Variants in CUX2 observed in about 807,000 individuals in gnomAD.
The protein encoded by CUX2 is homeobox protein cut-like 2.
Under a neutral mutation model 144.8 loss-of-function variants are expected in CUX2, and 40 were observed. The observed-to-expected ratio is 0.28, with a 90% CI of 0.21 to 0.36. The LOEUF is 0.36. Ranked by LOEUF, CUX2 falls within the 10% of genes least tolerant of loss-of-function variation. CUX2 has a pLI of 1.00. For missense variants in CUX2, 1,615 were observed against 1,994.0 expected (o/e 0.81, Z 3.62); for synonymous variants, 827 against 875.6 (o/e 0.94, Z 0.98).
At chr12:111,210,376 T>C (rs1032115858) in intron 1 of CUX2, among the ~76,000 whole-genome samples, 1 of 152,114 alleles carries the variant, frequency 6.6e-6, no homozygotes, top group African/African-American at 2.4e-5. Flanking sequence ...CATTTGGCAA[T>C]ACTCTACCGG....
Position 111,247,561 on chromosome 12 carries a change from G to A in CUX2, c.223-16200G>A, listed in dbSNP as rs377189923. On this transcript the variant is annotated intron_variant, in intron 3 of 21. Coordinates refer to ENST00000261726, the MANE Select transcript of CUX2 (RefSeq NM_015267.4). ...CAGGGCTGAGAGAGCACAGGGTGGC[G>A]AGAGTTCATGGGCCAGGTCAGGATC... is the stretch of plus-strand genomic sequence containing the variant. Among the ~76,000 whole-genome samples, 14 of 152,328 alleles carry A rather than the reference G, an allele frequency of 9.2e-5. No individual in the cohort carries two copies. In the East Asian group the frequency reaches 9.7e-4, roughly 11 times the overall value.
chr12:111,037,518 G>C lies in CUX2; in HGVS notation c.63+3278G>C, dbSNP rs1295338326. Among the ~76,000 whole-genome samples, 1 of 152,214 alleles carries C rather than the reference G, an allele frequency of 6.6e-6. No individual in the cohort carries two copies. The highest frequency in any genetic ancestry group is 2.4e-5 in the African/African-American group (1 of 41,444). On this transcript the variant is annotated intron_variant, in intron 1 of 21. Transcript: ENST00000261726. The surrounding 1 kb of genome is among the most constrained non-coding windows in gnomAD (Gnocchi z 5.4). The stretch of plus-strand genomic sequence containing the variant: ...ATGACTTTGGGCCGATGGTAAAGGT[G>C]ATCTGACATGTGCCACCCTACTCCG...
chr12:111,091,628 G>A (rs989255136), intron 1 of CUX2, among the ~76,000 whole-genome samples: 6 of 152,206 alleles, frequency 3.9e-5, no homozygotes, highest in African/African-American at 1.4e-4. Context: ...GAGGACACTT[G>A]TAACAAATTA....
chr12:111,078,333 G>C (rs898111142), intron 1 of CUX2, among the ~76,000 whole-genome samples: 1 of 152,186 alleles, frequency 6.6e-6, no homozygotes, highest in African/African-American at 2.4e-5. Flanking sequence ...GGAGGAAGCA[G>C]AGAGGAAGTT....
At chr12:111,254,110 G>C (rs1427011839) in intron 3 of CUX2, among the ~76,000 whole-genome samples, 1 of 152,004 alleles carries the variant, frequency 6.6e-6, no homozygotes, top group African/African-American at 2.4e-5. Flanking sequence ...TGTTTGGATA[G>C]AAGCTAGCAT....
intron 1 of CUX2, among the ~76,000 whole-genome samples, chr12:111,213,827 G>A (rs930296657): frequency 6.6e-6 from 1 of 151,570 alleles, no homozygotes; most frequent in Non-Finnish European, 1.5e-5. Flanking sequence ...TTTTGACATG[G>A]TCTGGAGATG....
chr12:111,135,494 A>G (rs766370665), intron 1 of CUX2, among the ~76,000 whole-genome samples: 1 of 152,246 alleles, frequency 6.6e-6, no homozygotes, highest in Non-Finnish European at 1.5e-5. Context: ...ATACCCAAAA[A>G]AATTGAAAAC....
chr12:111,132,030 C>A (rs1255905477), intron 1 of CUX2, among the ~76,000 whole-genome samples: 1 of 152,222 alleles, frequency 6.6e-6, no homozygotes, highest in African/African-American at 2.4e-5. Flanking sequence ...TTTTGTACTG[C>A]CCTAGCAAAC....
rs953644521 is a variant in CUX2, at chr12:111,071,679, C to T, written c.63+37439C>T. Among the ~76,000 whole-genome samples the T allele has an allele frequency of 7.9e-5, 12 of 151,906 alleles. 1 individual carries two copies. Among genetic ancestry groups the T allele is most frequent in the African/African-American group, 2.9e-4 (12 of 41,182 alleles). ...TTGTATCTAAAAAGTCAACACCAAA[C>T]CCAAGGTCATCCAGATTTTCCTATG... is the stretch of plus-strand genomic sequence containing the variant. On this transcript the variant is annotated intron_variant, in intron 1 of 21. Coordinates refer to ENST00000261726, the MANE Select transcript of CUX2 (RefSeq NM_015267.4).
chr12:111,266,962 C>A (rs1440683584), intron 4 of CUX2, among the ~76,000 whole-genome samples: 4 of 152,048 alleles, frequency 2.6e-5, no homozygotes, highest in Non-Finnish European at 5.9e-5. Flanking sequence ...TTGGGAGGCC[C>A]AGGTGGGAGG....
chr12:111,085,507 A>T (rs762780551), intron 1 of CUX2, among the ~76,000 whole-genome samples: 23 of 152,144 alleles, frequency 1.5e-4, no homozygotes, highest in Non-Finnish European at 3.1e-4. Context: ...GAAGGGGAGA[A>T]TGGAAGGAGA....
chr12:111,272,866 A>C (rs1368460690), intron 4 of CUX2, among the ~76,000 whole-genome samples: 2 of 152,180 alleles, frequency 1.3e-5, no homozygotes, highest in Admixed American at 6.5e-5. Flanking sequence ...CCCCTGGCTA[A>C]ACTTTGCTCC....
Position 111,307,811 on chromosome 12 carries a change from T to C in CUX2, c.1110-474T>C, listed in dbSNP as rs930310818. Among the ~76,000 whole-genome samples, 2 of 152,152 alleles carry C rather than the reference T, an allele frequency of 1.3e-5. No individual in the cohort carries two copies. The highest frequency in any genetic ancestry group is 6.5e-5 in the Admixed American group (1 of 15,280). On this transcript the variant is annotated intron_variant, in intron 12 of 21. Transcript: ENST00000261726. This position sits in a 1 kb window ranked among gnomAD's most constrained non-coding sequence, Gnocchi z 4.1. Reference sequence around the variant, plus strand: ...CAGCCTGGCCGAAAGGGCAAAACCCTGTCTCTACTAAAAATACAGAAATTA... The same window carrying C: ...CAGCCTGGCCGAAAGGGCAAAACCCCGTCTCTACTAAAAATACAGAAATTA...
intron 1 of CUX2, among the ~76,000 whole-genome samples, chr12:111,060,752 G>C (rs746630758): frequency 1.3e-5 from 2 of 152,164 alleles, no homozygotes; most frequent in African/African-American, 4.8e-5. Context: ...GGAAGGTTCT[G>C]TTGGAGCTGA....
At chr12:111,300,081 G>A (rs954113894) in intron 9 of CUX2, among the ~76,000 whole-genome samples, 32 of 152,224 alleles carry the variant, frequency 2.1e-4, no homozygotes, top group African/African-American at 7.7e-4. Flanking sequence ...TAGAGATGAG[G>A]TTTCACCATG....
rs1360958660 is a variant in CUX2, at chr12:111,122,761, C to CGGCTAGTTGCTCGT, written c.63+88526_63+88539dup. Among the ~76,000 whole-genome samples the CGGCTAGTTGCTCGT allele has an allele frequency of 1.2e-4, 18 of 152,264 alleles. No homozygotes were observed. The East Asian group carries it at 1.7e-3, about 15-fold the overall frequency. On this transcript the variant is annotated intron_variant, in intron 1 of 21. Transcript: ENST00000261726. ...TAATGTCCAGAGAGCAAACAGCCAC[C>CGGCTAGTTGCTCGT]GGCTAGTTGCTCGTGGCTGCAGATA...
chr12:111,209,534 A>G (rs940539660), intron 1 of CUX2, among the ~76,000 whole-genome samples: 1 of 152,250 alleles, frequency 6.6e-6, no homozygotes, highest in African/African-American at 2.4e-5. Flanking sequence ...CAATATGACA[A>G]AATTCACACA....
At chr12:111,214,758 C>T (rs181248662) in intron 2 of CUX2, among the ~76,000 whole-genome samples, 1 of 152,290 alleles carries the variant, frequency 6.6e-6, no homozygotes, top group East Asian at 1.9e-4. Context: ...ACGTTCACCT[C>T]ATTCTTCCCC....
chr12:111,264,556 G>A (rs766663245), intron 4 of CUX2, among the ~76,000 whole-genome samples: 9 of 152,124 alleles, frequency 5.9e-5, no homozygotes, highest in Non-Finnish European at 8.8e-5. Flanking sequence ...CCAACCCAGC[G>A]GTTTTAGTAG....
Sources: gnomAD v4.1 joint callset for allele counts (sites outside exome capture counted in the v4.1 genomes callset) on GRCh38, gnomAD v4.1.1 for gene constraint, Gnocchi (gnomAD v3.1) non-coding constraint, MANE v1.5 for transcripts, NCBI Gene and HGNC (gene_info 2026-07-23, HGNC 2026-07-21) for gene names.